Variants in SLC37A3 observed in about 807,000 individuals in gnomAD.
The protein encoded by SLC37A3 is solute carrier family 37 member 3.
A neutral mutation model predicts 67.1 loss-of-function variants in SLC37A3; 51 were observed. That is an observed-to-expected ratio of 0.76 (90% CI 0.61 to 0.96). SLC37A3 has a LOEUF of 0.96. SLC37A3 is among the 40% of genes least tolerant of loss of function. The probability of loss-of-function intolerance (pLI) is 0.00; values close to 1 mark genes in which losing one functional copy is unlikely to be tolerated. For synonymous variants in SLC37A3, 214 were observed against 231.4 expected, an observed-to-expected ratio of 0.92 and a Z score of 0.68; for missense variants, 508 against 603.0, an observed-to-expected ratio of 0.84 and a Z score of 1.65.
chr7:140,389,120 C>T (rs2129924311), intron 1 of SLC37A3, among the ~76,000 whole-genome samples: 1 of 152,284 alleles, frequency 6.6e-6, no homozygotes, highest in East Asian at 1.9e-4. Flanking sequence ...TGGTTTGACA[C>T]TGAAACAAAA....
At chr7:140,388,768 C>T (rs915439670) in intron 1 of SLC37A3, among the ~76,000 whole-genome samples, 4 of 151,946 alleles carry the variant, frequency 2.6e-5, no homozygotes, top group Non-Finnish European at 5.9e-5. Context: ...AAGATCATGC[C>T]ACTGCACTCC....
At chr7:140,361,974 T>C (rs7778314) in intron 5 of SLC37A3, among the ~76,000 whole-genome samples, 58,271 of 118,086 alleles carry the variant, frequency 0.49, 14,568 homozygotes, top group South Asian at 0.55. Context: ...GCCGCCACCC[T>C]GTCTGGGAAG....
intron 3 of SLC37A3, among the ~76,000 whole-genome samples, chr7:140,375,830 G>A (rs1274150808): frequency 2.0e-5 from 3 of 152,208 alleles, no homozygotes; most frequent in Non-Finnish European, 4.4e-5. Flanking sequence ...TATCGAAGAT[G>A]AGAAAGCAGT....
intron 3 of SLC37A3, among the ~76,000 whole-genome samples, chr7:140,373,849 A>C (rs1797918058): frequency 6.6e-6 from 1 of 152,224 alleles, no homozygotes; most frequent in Non-Finnish European, 1.5e-5. Context: ...AATTCAAAGG[A>C]GACATGAAAA....
At chr7:140,397,019 G>C (rs1045292577) in intron 1 of SLC37A3, among the ~76,000 whole-genome samples, 2 of 150,414 alleles carry the variant, frequency 1.3e-5, no homozygotes, top group African/African-American at 4.9e-5. Flanking sequence ...GGCCAATATG[G>C]TGAAACCCCG....
chr7:140,338,469 A>C (rs1796229894), intron 13 of SLC37A3, among the ~76,000 whole-genome samples: 1 of 151,500 alleles, frequency 6.6e-6, no homozygotes, highest in Non-Finnish European at 1.5e-5. Flanking sequence ...ACTACATTGG[A>C]ACTTCACTCC....
intron 4 of SLC37A3, among the ~76,000 whole-genome samples, chr7:140,367,549 G>T (rs1375846574): frequency 2.6e-5 from 4 of 152,160 alleles, no homozygotes; most frequent in African/African-American, 7.2e-5. Context: ...TGGACATTGA[G>T]AATTAAAAGG....
Position 140,382,505 on chromosome 7 carries a change from GAA to G in SLC37A3, c.20_21del (p.Phe7SerfsTer35). ...AACTGGGACAGCAGAGACCCTCTTT[GAA>G]AAACATTTGGCCAGGCCATGTTCTT... is the stretch of plus-strand genomic sequence containing the variant. MAWPNV[F>X]QRGSLLSQFS... On this transcript the variant is annotated frameshift_variant, in exon 2 of 15. Coordinates refer to ENST00000326232, the MANE Select transcript of SLC37A3 (RefSeq NM_207113.3). LOFTEE classifies it high-confidence loss of function. 6.2e-7 allele frequency: 1 copy of G among 1,614,044 alleles called. No homozygotes were observed. Among genetic ancestry groups the G allele is most frequent in the African/African-American group, 1.3e-5 (1 of 75,040 alleles).
intron 3 of SLC37A3, among the ~76,000 whole-genome samples, chr7:140,370,742 T>C (rs1797786159): frequency 6.6e-6 from 1 of 152,212 alleles, no homozygotes; most frequent in African/African-American, 2.4e-5. Context: ...TCTTAATTTT[T>C]AAAATGATAA....
At chr7:140,384,043 T>C (rs1027637241) in intron 1 of SLC37A3, among the ~76,000 whole-genome samples, 1 of 152,138 alleles carries the variant, frequency 6.6e-6, no homozygotes, top group Admixed American at 6.6e-5. Context: ...CCAAGAACAA[T>C]TACGCATAAA....
intron 5 of SLC37A3, among the ~76,000 whole-genome samples, chr7:140,360,553 G>T (rs1797225047): frequency 6.6e-6 from 1 of 151,806 alleles, no homozygotes; most frequent in Non-Finnish European, 1.5e-5. Context: ...GGCCAACATG[G>T]TGAAACCCTG....
intron 9 of SLC37A3, 112 bp from the exon 10 acceptor site, chr7:140,348,879 C>T: frequency 7.6e-7 from 1 of 1,318,732 alleles, no homozygotes; most frequent in Non-Finnish European, 1.0e-6. Context: ...TGAACAGAAC[C>T]TGATTTTACA....
intron 5 of SLC37A3, among the ~76,000 whole-genome samples, chr7:140,362,740 C>T (rs1252464974): frequency 2.2e-5 from 2 of 92,664 alleles, no homozygotes; most frequent in African/African-American, 8.0e-5. Flanking sequence ...GGGTCAGCCC[C>T]CCACCCGGCC....
intron 3 of SLC37A3, chr7:140,370,438 A>G (rs1234607059): frequency 6.6e-6 from 1 of 152,238 alleles, no homozygotes; most frequent in Non-Finnish European, 1.5e-5. Context: ...TATGCCTACC[A>G]TCTAGGGCCA....
At chr7:140,380,176 A>C (rs1048399375) in intron 3 of SLC37A3, 106 bp downstream of exon 3, 1 of 579,092 alleles carries the variant, frequency 1.7e-6, no homozygotes, top group East Asian at 3.2e-5. Flanking sequence ...ACAGTGAGCC[A>C]TTTCAGAGTC....
At chr7:140,342,585 C>T (rs1796399359) in intron 13 of SLC37A3, among the ~76,000 whole-genome samples, 1 of 152,032 alleles carries the variant, frequency 6.6e-6, no homozygotes, top group South Asian at 2.1e-4. Context: ...AAAATTAGTA[C>T]TCTACAATCT....
intron 6 of SLC37A3, among the ~76,000 whole-genome samples, chr7:140,358,316 G>A (rs1010483285): frequency 2.6e-5 from 4 of 152,094 alleles, no homozygotes; most frequent in Non-Finnish European, 5.9e-5. Flanking sequence ...GATACATGAT[G>A]GATAGTAAAT....
At chr7:140,396,442 C>T (rs896119421) in intron 1 of SLC37A3, among the ~76,000 whole-genome samples, 3 of 152,150 alleles carry the variant, frequency 2.0e-5, no homozygotes, top group African/African-American at 7.2e-5. Flanking sequence ...CTTAAATTAT[C>T]TCATTACCAC....
At chr7:140,349,266 G>T (rs900091253) in intron 9 of SLC37A3, among the ~76,000 whole-genome samples, 1 of 152,146 alleles carries the variant, frequency 6.6e-6, no homozygotes, top group East Asian at 1.9e-4. Flanking sequence ...GACAGCAAAG[G>T]GACTACACTA....
Sources: gnomAD v4.1 joint callset for allele counts (sites outside exome capture counted in the v4.1 genomes callset) on GRCh38, gnomAD v4.1.1 for gene constraint, MANE v1.5 for transcripts, NCBI Gene and HGNC (gene_info 2026-07-23, HGNC 2026-07-21) for gene names.